Variants in RHOU observed in about 807,000 individuals in gnomAD.
The protein encoded by RHOU is ras homolog family member U.
A neutral mutation model predicts 12.6 loss-of-function variants in RHOU; 8 were observed. The ratio of observed to expected loss-of-function variants is 0.64; its 90% CI spans 0.37 to 1.15. The LOEUF is 1.15. RHOU is among the 50% of genes most tolerant of loss of function. RHOU has a pLI of 0.01. For missense variants in RHOU, 258 were observed against 347.0 expected, an observed-to-expected ratio of 0.74 and a Z score of 2.04; for synonymous variants, 161 against 147.4, an observed-to-expected ratio of 1.09 and a Z score of -0.67.
chr1:228,691,845 C>A, the RHOU span, among the ~76,000 whole-genome samples: 1 of 152,106 alleles, frequency 6.6e-6, no homozygotes, highest in African/African-American at 2.4e-5. Context: ...CCCCTCTCAC[C>A]AAGGCAACCG....
the RHOU span, among the ~76,000 whole-genome samples, chr1:228,714,675 A>G: frequency 1.5e-5 from 2 of 133,726 alleles, no homozygotes; most frequent in African/African-American, 5.6e-5. Flanking sequence ...CTTATTTTGT[A>G]TTTTTGAATT....
the RHOU span, among the ~76,000 whole-genome samples, chr1:228,698,540 C>A: frequency 6.6e-6 from 1 of 152,156 alleles, no homozygotes; most frequent in Non-Finnish European, 1.5e-5. Flanking sequence ...TGTTGTGTAA[C>A]CACAGTCTTT....
chr1:228,677,973 C>G, the RHOU span, among the ~76,000 whole-genome samples: 1 of 152,182 alleles, frequency 6.6e-6, no homozygotes, highest in African/African-American at 2.4e-5. Context: ...GGAAAGGCCT[C>G]TACCCATCTA....
chr1:228,656,371 C>T, the RHOU span, among the ~76,000 whole-genome samples: 16 of 152,270 alleles, frequency 1.1e-4, no homozygotes, highest in South Asian at 2.7e-3. Context: ...CTTTACACTT[C>T]GGTTTGTAAC....
the RHOU span, among the ~76,000 whole-genome samples, chr1:228,722,950 G>T: frequency 6.6e-6 from 1 of 152,072 alleles, no homozygotes; most frequent in Admixed American, 6.6e-5. Flanking sequence ...GTAAACTCAA[G>T]ACCCAATGCT....
At chr1:228,731,648 G>A (rs148404041), upstream of RHOU, among the ~76,000 whole-genome samples, 37 of 152,310 alleles carry the variant, frequency 2.4e-4, 1 homozygote, top group East Asian at 6.7e-3. Context: ...TGACACCTAA[G>A]CGGAGAAAGA....
chr1:228,669,458 G>T, the RHOU span, among the ~76,000 whole-genome samples: 1 of 152,120 alleles, frequency 6.6e-6, no homozygotes, highest in Non-Finnish European at 1.5e-5. Context: ...GAAAATAAAA[G>T]CTCTCACCTC....
Position 228,735,750 on chromosome 1 carries a change from C to A in RHOU, c.8C>A (p.Pro3Gln). Reference sequence around the variant, plus strand: ...GCCCGCGCTCGCGGATCGATGCCCCCGCAGCAGGGGGACCCCGCGTTCCCC... The same window carrying A: ...GCCCGCGCTCGCGGATCGATGCCCCAGCAGCAGGGGGACCCCGCGTTCCCC... MP[P>Q]QQGDPAFPDR... Residue 3 changes from proline (P) to glutamine (Q), a missense_variant, in exon 1 of 3, where the codon CCG (proline) becomes CAG (glutamine). Pro to Gln is a moderately conservative substitution (Grantham distance 76). Coordinates refer to ENST00000366691, the MANE Select transcript of RHOU (RefSeq NM_021205.6). The surrounding 1 kb of genome is among the most constrained non-coding windows in gnomAD (Gnocchi z 8.1). 8.3e-7 allele frequency: 1 copy of A among 1,206,888 alleles called. No individual in the cohort carries two copies. The highest frequency in any genetic ancestry group is 4.1e-5 in the South Asian group (1 of 24,214). The allele number at this position is 1,206,888 out of a possible 1,614,324, so 74.8% of individuals were successfully genotyped here.
the RHOU span, among the ~76,000 whole-genome samples, chr1:228,671,924 C>G: frequency 6.6e-6 from 1 of 152,184 alleles, no homozygotes; most frequent in South Asian, 2.1e-4. Context: ...AGTTATATAA[C>G]TGAGTTCTGT....
rs769488956 is a variant in RHOU at position 228,737,637 on chromosome 1, A to T, written c.263-36A>T. Reference sequence around the variant, plus strand: ...TTAGTATTCCGAAAGGGGTTAAAAGACACCTCCTGATTGTCATTTTGGTTT... The same window carrying T: ...TTAGTATTCCGAAAGGGGTTAAAAGTCACCTCCTGATTGTCATTTTGGTTT... On this transcript the variant is annotated intron_variant, in intron 1 of 2. Coordinates refer to ENST00000366691, the MANE Select transcript of RHOU (RefSeq NM_021205.6). The surrounding 1 kb of genome is among the most constrained non-coding windows in gnomAD (Gnocchi z 4.1). 6 of 1,606,304 alleles carry T rather than the reference A, an allele frequency of 3.7e-6. No individual in the cohort carries two copies. The East Asian group carries it at 1.3e-4, about 36-fold the overall frequency.
At chr1:228,717,645 A>G in the RHOU span, among the ~76,000 whole-genome samples, 1 of 152,384 alleles carries the variant, frequency 6.6e-6, no homozygotes, top group East Asian at 1.9e-4. Context: ...TGCCGGAGGC[A>G]TGCTCTCTGA....
the RHOU span, chr1:228,650,064 G>T: frequency 5.0e-6 from 2 of 397,022 alleles, no homozygotes; most frequent in Non-Finnish European, 9.7e-6. Context: ...TTCTCTAAAG[G>T]CATCTGCAAT....
upstream of RHOU, among the ~76,000 whole-genome samples, chr1:228,733,527 G>A (rs1264008012): frequency 6.6e-6 from 1 of 152,146 alleles, no homozygotes; most frequent in African/African-American, 2.4e-5. Context: ...AGCTGGTCTC[G>A]AACTCGTGGC....
At chr1:228,663,620 C>CTT in the RHOU span, among the ~76,000 whole-genome samples, 1 of 80,822 alleles carries the variant, frequency 1.2e-5, no homozygotes, top group African/African-American at 4.9e-5. Flanking sequence ...CTTTTCTTTT[C>CTT]TTTTCTTTTT....
the RHOU span, chr1:228,687,854 T>A: frequency 9.3e-7 from 1 of 1,075,474 alleles, no homozygotes; most frequent in African/African-American, 1.5e-5. Flanking sequence ...CACATAGCCG[T>A]GGGAGTGACT....
At chr1:228,694,542 G>A in the RHOU span, among the ~76,000 whole-genome samples, 1 of 151,924 alleles carries the variant, frequency 6.6e-6, no homozygotes, top group Admixed American at 6.6e-5. Context: ...GTTCTCATTC[G>A]GCTCCCACTT....
the RHOU span, among the ~76,000 whole-genome samples, chr1:228,686,163 G>T: frequency 2.0e-5 from 3 of 152,246 alleles, no homozygotes; most frequent in South Asian, 6.2e-4. Flanking sequence ...AGAGGAATTA[G>T]TTAAATCTCC....
the RHOU span, among the ~76,000 whole-genome samples, chr1:228,721,638 C>G: frequency 6.6e-6 from 1 of 152,162 alleles, no homozygotes; most frequent in African/African-American, 2.4e-5. Flanking sequence ...GGACACAACC[C>G]CATGACTACC....
the RHOU span, among the ~76,000 whole-genome samples, chr1:228,654,733 A>G: frequency 6.6e-6 from 1 of 152,226 alleles, no homozygotes; most frequent in Non-Finnish European, 1.5e-5. Context: ...CCTAGTGGGT[A>G]ACTTTGGCAA....
Sources: allele counts gnomAD v4.1 joint callset (sites outside exome capture counted in the v4.1 genomes callset), GRCh38; gene constraint gnomAD v4.1.1; non-coding constraint Gnocchi (gnomAD v3.1); transcripts MANE v1.5; gene names NCBI Gene and HGNC (gene_info 2026-07-23, HGNC 2026-07-21).